Variants in XKR4 observed in about 807,000 individuals in gnomAD.
XKR4 encodes XK-related protein 4.
XKR4 carries 12 observed loss-of-function variants against 53.9 expected under a neutral mutation model. That is an observed-to-expected ratio of 0.22 (90% CI 0.14 to 0.36). The LOEUF (loss-of-function observed/expected upper bound fraction) is 0.36. Among genes scored for constraint, XKR4 ranks in the 10% least tolerant of loss-of-function variants. The pLI is 1.00. For missense variants in XKR4, 799 were observed against 859.5 expected (o/e 0.93, Z 0.88); for synonymous variants, 354 against 362.4 (o/e 0.98, Z 0.26).
chr8:55,422,567 C>A (rs1055361891), intron 2 of XKR4, among the ~76,000 whole-genome samples: 2 of 152,170 alleles, frequency 1.3e-5, no homozygotes, highest in Non-Finnish European at 2.9e-5. Flanking sequence ...AGCAGAACAG[C>A]AAGTAGTCTA....
At chr8:55,300,930 G>A (rs931140765) in intron 1 of XKR4, among the ~76,000 whole-genome samples, 2 of 152,112 alleles carry the variant, frequency 1.3e-5, no homozygotes, top group South Asian at 4.1e-4. Flanking sequence ...AAGAATAATA[G>A]TGATGAAATG....
At chr8:55,429,238 C>T (rs1389881731) in intron 2 of XKR4, among the ~76,000 whole-genome samples, 2 of 152,128 alleles carry the variant, frequency 1.3e-5, no homozygotes, top group African/African-American at 4.8e-5. Flanking sequence ...AAACAAAAAC[C>T]TTCAGCCTAA....
At chr8:55,135,728 T>TGGGCACCTTCC in intron 1 of XKR4, 1 of 442,902 alleles carries the variant, frequency 2.3e-6, no homozygotes, top group South Asian at 1.6e-5. Context: ...ACACCTCCTC[T>TGGGCACCTTCC]GGGCACCTTC....
intron 1 of XKR4, among the ~76,000 whole-genome samples, chr8:55,247,864 T>TC (rs1440262405): frequency 2.9e-3 from 362 of 125,544 alleles, no homozygotes; most frequent in Middle Eastern, 7.4e-3. Context: ...TCTTTTTTTT[T>TC]TTTTTTTTTT....
At chr8:55,222,400 T>TA (rs1817892488) in intron 1 of XKR4, among the ~76,000 whole-genome samples, 1 of 152,206 alleles carries the variant, frequency 6.6e-6, no homozygotes, top group Admixed American at 6.5e-5. Context: ...TTCACAGTTT[T>TA]AAAAAAATAC....
intron 1 of XKR4, among the ~76,000 whole-genome samples, chr8:55,215,911 C>T (rs576659982): frequency 5.3e-5 from 8 of 152,088 alleles, no homozygotes; most frequent in Non-Finnish European, 7.4e-5. Flanking sequence ...ATAATGATGG[C>T]GATTGAAAAG....
chr8:55,213,634 G>T (rs1817758442), intron 1 of XKR4, among the ~76,000 whole-genome samples: 1 of 152,138 alleles, frequency 6.6e-6, no homozygotes, highest in Admixed American at 6.5e-5. Context: ...TTGGGAAAGG[G>T]CTGCTGTCAT....
intron 2 of XKR4, among the ~76,000 whole-genome samples, chr8:55,435,561 T>TA (rs1476140934): frequency 6.9e-6 from 1 of 144,850 alleles, no homozygotes; most frequent in African/African-American, 2.5e-5. Flanking sequence ...TCTTTTTTTT[T>TA]TTATTTTTTT....
rs1337502796 is a variant in XKR4, at chr8:55,535,900, C to A, written c.*11673C>A. The A allele has an allele frequency of 1.6e-4, 24 of 152,188 alleles. No individual in the cohort carries two copies. The highest frequency in any genetic ancestry group is 1.6e-3 in the Admixed American group (24 of 15,282). The allele number at this position is 152,188 out of a possible 1,614,324, so 9.4% of individuals were successfully genotyped here. A position where few individuals can be genotyped will look rare whatever the true frequency, so the allele number is the denominator to read the frequency against. On this transcript the variant is annotated 3_prime_UTR_variant, in exon 3 of 3. Transcript: ENST00000327381. ...GTGATAGTTCTCCTTGACCACTGGTCCCTATGGGCTCTGCAGGAGAGCTTC... is the reference window on the plus strand; with the variant it reads ...GTGATAGTTCTCCTTGACCACTGGTACCTATGGGCTCTGCAGGAGAGCTTC...
rs539315229 is a variant in XKR4, at chr8:55,320,627, T to C, written c.807-37051T>C. Among the ~76,000 whole-genome samples the C allele has an allele frequency of 2.6e-5, 4 of 152,330 alleles. 1 individual carries two copies. Among genetic ancestry groups the C allele is most frequent in the African/African-American group, 9.6e-5 (4 of 41,574 alleles). ...ATTAGGTCTGCCTCAGATCCTAACA[T>C]GATTTGTGGGGAGCATATCCTTCTT... is the stretch of plus-strand genomic sequence containing the variant. On this transcript the variant is annotated intron_variant, in intron 1 of 2. Transcript: ENST00000327381.
At chr8:55,351,238 T>A (rs939779864) in intron 1 of XKR4, among the ~76,000 whole-genome samples, 2 of 152,214 alleles carry the variant, frequency 1.3e-5, no homozygotes, top group African/African-American at 4.8e-5. Context: ...TTTTATTTTT[T>A]TTTGTCATCC....
chr8:55,273,006 G>T (rs752682830), intron 1 of XKR4: 1 of 405,926 alleles, frequency 2.5e-6, no homozygotes, highest in African/African-American at 2.1e-5. Context: ...GCCTCAGCCT[G>T]TCTCTAAGGG....
intron 2 of XKR4, among the ~76,000 whole-genome samples, chr8:55,441,196 GACTACTGC>G (rs1174049074): frequency 6.6e-6 from 1 of 151,914 alleles, no homozygotes; most frequent in Non-Finnish European, 1.5e-5. Context: ...ACTGTGATTG[GACTACTGC>G]ACTACAGCCT....
At chr8:55,293,239 G>A (rs954919724) in intron 1 of XKR4, among the ~76,000 whole-genome samples, 4 of 152,132 alleles carry the variant, frequency 2.6e-5, no homozygotes, top group Non-Finnish European at 1.5e-5. Context: ...GGAGGCTGAG[G>A]CAGGAGAATC....
intron 2 of XKR4, among the ~76,000 whole-genome samples, chr8:55,368,814 A>G (rs1804029990): frequency 1.3e-5 from 2 of 152,138 alleles, no homozygotes; most frequent in South Asian, 4.1e-4. Flanking sequence ...TTCAGTTTGT[A>G]TTGGCTTTTC....
intron 2 of XKR4, among the ~76,000 whole-genome samples, chr8:55,463,663 T>A (rs1230592434): frequency 7.2e-5 from 11 of 152,020 alleles, no homozygotes; most frequent in Non-Finnish European, 1.5e-4. Context: ...TAAAAAACTG[T>A]TCAAAAAATC....
chr8:55,305,865 T>G (rs1479081211), intron 1 of XKR4, among the ~76,000 whole-genome samples: 1 of 152,176 alleles, frequency 6.6e-6, no homozygotes, highest in Admixed American at 6.5e-5. Flanking sequence ...ATAAAACTCT[T>G]TCCTACCCCC....
intron 2 of XKR4, among the ~76,000 whole-genome samples, chr8:55,477,766 C>T (rs751424438): frequency 2.0e-5 from 3 of 152,092 alleles, no homozygotes; most frequent in Non-Finnish European, 1.5e-5. Context: ...ATGCAAAAGC[C>T]TCAGGAGCTG....
chr8:55,362,850 C>T (rs1803924612), intron 2 of XKR4, among the ~76,000 whole-genome samples: 2 of 152,200 alleles, frequency 1.3e-5, no homozygotes, highest in South Asian at 2.1e-4. Flanking sequence ...ATCAGAGCTC[C>T]CTGGGGTCAA....
Sources: allele counts gnomAD v4.1 joint callset (sites outside exome capture counted in the v4.1 genomes callset), GRCh38; gene constraint gnomAD v4.1.1; transcripts MANE v1.5; gene names NCBI Gene and HGNC (gene_info 2026-07-23, HGNC 2026-07-21).